CHRM3: variants seen among roughly 807,000 people sequenced by gnomAD.
CHRM3 encodes muscarinic acetylcholine receptor M3.
CHRM3 carries 11 observed loss-of-function variants against 41.8 expected under a neutral mutation model. The observed-to-expected ratio is 0.26, with a 90% CI of 0.17 to 0.44. CHRM3 has a LOEUF of 0.44. CHRM3 is among the 20% of genes least tolerant of loss of function. CHRM3 has a pLI of 1.00. For synonymous variants in CHRM3, 297 were observed against 301.4 expected, an observed-to-expected ratio of 0.99 and a Z score of 0.15; for missense variants, 571 against 745.4, an observed-to-expected ratio of 0.77 and a Z score of 2.72.
intron 6 of CHRM3, among the ~76,000 whole-genome samples, chr1:239,898,923 AG>A (rs1679240489): frequency 6.6e-6 from 1 of 152,230 alleles, no homozygotes; most frequent in African/African-American, 2.4e-5. Context: ...AGGGGGAAGA[AG>A]GCAAATTTCC....
chr1:239,695,089 C>A (rs1201462849), intron 5 of CHRM3, among the ~76,000 whole-genome samples: 2 of 152,218 alleles, frequency 1.3e-5, no homozygotes, highest in Non-Finnish European at 2.9e-5. Flanking sequence ...CAGCTCGCTG[C>A]AACCTCTGCC....
intron 2 of CHRM3, among the ~76,000 whole-genome samples, chr1:239,493,406 A>T (rs988802983): frequency 1.3e-5 from 2 of 152,180 alleles, no homozygotes; most frequent in African/African-American, 4.8e-5. Context: ...TCAAAACTCT[A>T]TCAGATGAAT....
At chr1:239,622,175 T>C (rs1242837969) in intron 3 of CHRM3, among the ~76,000 whole-genome samples, 2 of 152,130 alleles carry the variant, frequency 1.3e-5, no homozygotes, top group Non-Finnish European at 2.9e-5. Flanking sequence ...AAAAGATTCA[T>C]TTAAAAATAT....
At chr1:239,468,224 G>T (rs1374305696) in intron 1 of CHRM3, among the ~76,000 whole-genome samples, 1 of 152,204 alleles carries the variant, frequency 6.6e-6, no homozygotes, top group East Asian at 1.9e-4. Flanking sequence ...TCTGAAAAAT[G>T]CCATTTTTTA....
At chr1:239,390,458 G>A (rs1658926967) in intron 1 of CHRM3, among the ~76,000 whole-genome samples, 1 of 152,166 alleles carries the variant, frequency 6.6e-6, no homozygotes, top group Non-Finnish European at 1.5e-5. Flanking sequence ...TGTCTGAAAG[G>A]CCCTATCTTC....
intron 3 of CHRM3, among the ~76,000 whole-genome samples, chr1:239,565,489 A>G (rs1190199106): frequency 1.3e-5 from 2 of 152,166 alleles, no homozygotes; most frequent in Non-Finnish European, 2.9e-5. Flanking sequence ...GGTCTCAATT[A>G]TTGAAGTCAT....
At chr1:239,488,487 G>A (rs1401372557) in intron 1 of CHRM3, among the ~76,000 whole-genome samples, 1 of 151,720 alleles carries the variant, frequency 6.6e-6, no homozygotes, top group Non-Finnish European at 1.5e-5. Flanking sequence ...AAGCCGAGGT[G>A]GGCAGATCAT....
intron 6 of CHRM3, among the ~76,000 whole-genome samples, chr1:239,854,200 A>T (rs2149238166): frequency 6.6e-6 from 1 of 152,234 alleles, no homozygotes. Context: ...ACCATCAAGG[A>T]TTACATCAGA....
At position 239,466,030 on chromosome 1, in the gene CHRM3, G is replaced by A. The variant is rs139960562; in HGVS notation, c.-520-26679G>A. 8.0e-3 allele frequency among the ~76,000 whole-genome samples: 1,222 copies of A among 152,014 alleles called. 15 individuals carry two copies. Among genetic ancestry groups the A allele is most frequent in the African/African-American group, 0.027 (1,117 of 41,454 alleles). On this transcript the variant is annotated intron_variant, in intron 1 of 6. Transcript: ENST00000676153. Reference sequence around the variant, plus strand: ...TTTTCCTGAGACAGAGTCTCTCTTTGTCACCCAGGCTGGAGAGCAATGGCG... The same window carrying A: ...TTTTCCTGAGACAGAGTCTCTCTTTATCACCCAGGCTGGAGAGCAATGGCG...
chr1:239,622,343 A>T (rs1483706124), intron 3 of CHRM3, among the ~76,000 whole-genome samples: 1 of 152,176 alleles, frequency 6.6e-6, no homozygotes, highest in African/African-American at 2.4e-5. Context: ...ATTTTAAGAA[A>T]TACATTTCAT....
intron 5 of CHRM3, among the ~76,000 whole-genome samples, chr1:239,817,786 C>T (rs1419662886): frequency 6.6e-6 from 1 of 152,106 alleles, no homozygotes; most frequent in African/African-American, 2.4e-5. Context: ...GATTCCGTCC[C>T]ATTAAGCAGC....
intron 5 of CHRM3, among the ~76,000 whole-genome samples, chr1:239,812,454 T>G (rs1240966597): frequency 6.6e-6 from 1 of 152,176 alleles, no homozygotes; most frequent in Non-Finnish European, 1.5e-5. Context: ...CCCTATCCAC[T>G]GAGTAGAACA....
chr1:239,688,347 C>T (rs998574797), intron 5 of CHRM3, among the ~76,000 whole-genome samples: 6 of 143,846 alleles, frequency 4.2e-5, no homozygotes, highest in Non-Finnish European at 9.1e-5. Flanking sequence ...TGTGTGTGTG[C>T]ATATATATTC....
At chr1:239,687,958 G>T (rs549803650) in intron 5 of CHRM3, among the ~76,000 whole-genome samples, 2 of 151,874 alleles carry the variant, frequency 1.3e-5, no homozygotes, top group Non-Finnish European at 2.9e-5. Flanking sequence ...TGTTAATGTC[G>T]CTAAGTGATG....
chr1:239,484,023 T>C (rs1042301815), intron 1 of CHRM3, among the ~76,000 whole-genome samples: 4 of 152,210 alleles, frequency 2.6e-5, no homozygotes, highest in African/African-American at 7.2e-5. Context: ...GTGTAGTCTT[T>C]TCAGCTTTGA....
chr1:239,491,881 C>T (rs553065804), intron 1 of CHRM3, among the ~76,000 whole-genome samples: 59 of 152,254 alleles, frequency 3.9e-4, no homozygotes, highest in African/African-American at 1.3e-3. Flanking sequence ...TTGAAAGCCA[C>T]GTGCAGGGGA....
intron 3 of CHRM3, among the ~76,000 whole-genome samples, chr1:239,563,433 T>A (rs1390972303): frequency 6.6e-6 from 1 of 152,162 alleles, no homozygotes; most frequent in Admixed American, 6.6e-5. Context: ...ACAGTAAGAA[T>A]GGCTAAAGCT....
At chr1:239,392,180 G>C (rs1015974674) in intron 1 of CHRM3, among the ~76,000 whole-genome samples, 4 of 152,118 alleles carry the variant, frequency 2.6e-5, no homozygotes, top group African/African-American at 9.7e-5. Flanking sequence ...TTCAATCTCA[G>C]TGTGACAAAC....
intron 1 of CHRM3, among the ~76,000 whole-genome samples, chr1:239,445,725 A>T (rs966136871): frequency 2.0e-5 from 3 of 152,182 alleles, no homozygotes; most frequent in Non-Finnish European, 2.9e-5. Flanking sequence ...ATAAGAAGTG[A>T]AATAGTATTA....
Sources: allele counts gnomAD v4.1 joint callset (sites outside exome capture counted in the v4.1 genomes callset), GRCh38; gene constraint gnomAD v4.1.1; transcripts MANE v1.5; gene names NCBI Gene and HGNC (gene_info 2026-07-23, HGNC 2026-07-21).